Variants in OTOF observed in about 807,000 individuals in gnomAD.
OTOF encodes fer-1-like family member 2.
Under a neutral mutation model 236.8 loss-of-function variants are expected in OTOF, and 218 were observed. That is an observed-to-expected ratio of 0.92 (90% CI 0.82 to 1.03). The LOEUF (loss-of-function observed/expected upper bound fraction) is 1.03, where lower values mean the gene tolerates loss of function less well. Among genes scored for constraint, OTOF ranks in the 50% least tolerant of loss-of-function variants. The pLI, the probability that OTOF is intolerant of heterozygous loss-of-function variation, is 0.00. For synonymous variants in OTOF, 1,041 were observed against 1,072.5 expected (o/e 0.97, Z 0.57); for missense variants, 2,590 against 2,694.4 (o/e 0.96, Z 0.86).
chr2:26,463,304 C>G (rs1193105927), intron 41 of OTOF, among the ~76,000 whole-genome samples, 179 bp downstream of exon 41: 2 of 152,228 alleles, frequency 1.3e-5, no homozygotes, highest in Non-Finnish European at 1.5e-5. Context: ...AGGCCCTAAA[C>G]TCTATCGATT....
chr2:26,484,488 T>G lies in OTOF; in HGVS notation c.1191A>C (p.Glu397Asp), dbSNP rs1335768488. Residue 397 changes from glutamate (E) to aspartate (D), a missense_variant, in exon 12 of 47, where the codon GAA (glutamate) becomes GAC (aspartate). Coordinates refer to ENST00000272371, the MANE Select transcript of OTOF (RefSeq NM_194248.3). ...KTPHKANETD[E>D]DDIEGNLLLP... is the part of the protein sequence containing the mutation. Reference sequence around the variant, plus strand: ...CTGGGCCTCACCCCTCAATGTCATCTTCGTCGGTCTCATTGGCCTTGTGGG... The same window carrying G: ...CTGGGCCTCACCCCTCAATGTCATCGTCGTCGGTCTCATTGGCCTTGTGGG... 1 of 1,613,938 alleles carries G rather than the reference T, an allele frequency of 6.2e-7. No individual in the cohort carries two copies. The highest frequency in any genetic ancestry group is 8.5e-7 in the Non-Finnish European group (1 of 1,180,030).
intron 1 of OTOF, among the ~76,000 whole-genome samples, chr2:26,557,942 G>T (rs778644773): frequency 2.6e-5 from 4 of 151,912 alleles, no homozygotes; most frequent in Non-Finnish European, 2.9e-5. Flanking sequence ...GGAGTGAAAA[G>T]GATGAGAAAA....
At chr2:26,516,397 C>T in intron 5 of OTOF, 21 bp downstream of exon 5, 1 of 1,609,734 alleles carries the variant, frequency 6.2e-7, no homozygotes, top group Non-Finnish European at 8.5e-7. Context: ...AGTGGGCAGC[C>T]AGAGGGGTCC....
chr2:26,524,145 A>G (rs1201345283), intron 3 of OTOF, among the ~76,000 whole-genome samples: 1 of 152,226 alleles, frequency 6.6e-6, no homozygotes, highest in Non-Finnish European at 1.5e-5. Context: ...GGGGGCAGGG[A>G]GGGAAGAAGA....
chr2:26,527,144 T>G (rs1572478973), intron 3 of OTOF, among the ~76,000 whole-genome samples: 1 of 152,160 alleles, frequency 6.6e-6, no homozygotes, highest in Admixed American at 6.5e-5. Context: ...ACTTGTGGAG[T>G]GCAAGCTCCA....
chr2:26,498,445 A>C (rs1454930555), intron 8 of OTOF, among the ~76,000 whole-genome samples: 2 of 152,178 alleles, frequency 1.3e-5, no homozygotes, highest in African/African-American at 4.8e-5. Flanking sequence ...TAGGAAGGGG[A>C]AATGATGCAC....
rs2148051588 is a variant in OTOF at position 26,477,341 on chromosome 2, A to G, written c.2407-53T>C. ...CAGCAACTGGGGGACAGCTCGGGCC[A>G]TGACAAAGGGGGTTGTGACACCTTC... On this transcript the variant is annotated intron_variant, in intron 20 of 46. Transcript: ENST00000272371. The surrounding 1 kb of genome is among the most constrained non-coding windows in gnomAD (Gnocchi z 4.7). The G allele has an allele frequency of 2.5e-6, 4 of 1,592,880 alleles. No individual in the cohort carries two copies. Among genetic ancestry groups the G allele is most frequent in the Non-Finnish European group, 3.4e-6 (4 of 1,167,160 alleles).
intron 2 of OTOF, among the ~76,000 whole-genome samples, chr2:26,536,554 T>A (rs1348682340): frequency 6.6e-6 from 1 of 151,950 alleles, no homozygotes; most frequent in Non-Finnish European, 1.5e-5. Context: ...CAGCTCTGGG[T>A]CGATGGACAC....
At chr2:26,532,732 G>A (rs947156930) in intron 2 of OTOF, among the ~76,000 whole-genome samples, 5 of 152,154 alleles carry the variant, frequency 3.3e-5, no homozygotes, top group African/African-American at 1.2e-4. Context: ...TCCTGGTCTA[G>A]GCTTAGCCCT....
intron 8 of OTOF, 48 bp from the exon 9 acceptor site, chr2:26,495,121 G>A: frequency 6.2e-7 from 1 of 1,611,610 alleles, no homozygotes; most frequent in Non-Finnish European, 8.5e-7. Flanking sequence ...CCTGAGCCTA[G>A]GAGCCTGGTC....
intron 3 of OTOF, among the ~76,000 whole-genome samples, chr2:26,521,545 A>C (rs993805856): frequency 2.6e-5 from 4 of 152,138 alleles, no homozygotes; most frequent in African/African-American, 9.7e-5. Flanking sequence ...CCTCCCTGAC[A>C]TGTGCTTTTA....
chr2:26,531,448 G>A (rs958541037), intron 2 of OTOF, among the ~76,000 whole-genome samples: 7 of 152,156 alleles, frequency 4.6e-5, no homozygotes, highest in Non-Finnish European at 1.0e-4. Context: ...GGATCTCACA[G>A]GTGACAGCAG....
At chr2:26,518,441 C>T (rs539653069) in intron 4 of OTOF, among the ~76,000 whole-genome samples, 11 of 152,352 alleles carry the variant, frequency 7.2e-5, no homozygotes, top group Non-Finnish European at 1.2e-4. Context: ...TGAGTGGCCA[C>T]GGCTGAGCTC....
At chr2:26,484,960 C>G (rs1320476815) in intron 11 of OTOF, among the ~76,000 whole-genome samples, 1 of 152,210 alleles carries the variant, frequency 6.6e-6, no homozygotes, top group Admixed American at 6.5e-5. Flanking sequence ...CTTCACATAG[C>G]TGTGAAGGAC....
intron 3 of OTOF, among the ~76,000 whole-genome samples, chr2:26,521,230 G>A (rs1666668888): frequency 6.6e-6 from 1 of 152,192 alleles, no homozygotes; most frequent in Admixed American, 6.5e-5. Flanking sequence ...CTTTGTGGAT[G>A]GCTATTCAGC....
At chr2:26,510,923 G>C (rs1480397105) in intron 5 of OTOF, among the ~76,000 whole-genome samples, 1 of 152,234 alleles carries the variant, frequency 6.6e-6, no homozygotes, top group Non-Finnish European at 1.5e-5. Context: ...CTGCAGAAAA[G>C]GGGTCCCATG....
chr2:26,466,666 T>G, intron 36 of OTOF, 48 bp downstream of exon 36: 1 of 1,607,830 alleles, frequency 6.2e-7, no homozygotes, highest in Non-Finnish European at 8.5e-7. Flanking sequence ...CTCTCCCAGA[T>G]GGGAGGATGA....
chr2:26,480,621 C>T (rs899582496), intron 15 of OTOF, among the ~76,000 whole-genome samples, 165 bp downstream of exon 15: 5 of 152,198 alleles, frequency 3.3e-5, no homozygotes, highest in East Asian at 1.9e-4. Context: ...AGTCCTGTTG[C>T]GGGGCTGAGT....
chr2:26,549,229 A>G (rs781086394), intron 1 of OTOF, among the ~76,000 whole-genome samples: 3 of 152,198 alleles, frequency 2.0e-5, no homozygotes, highest in Non-Finnish European at 4.4e-5. Flanking sequence ...GAATTCCACT[A>G]TGGTCAGAGA....
Sources: gnomAD v4.1 joint callset for allele counts (sites outside exome capture counted in the v4.1 genomes callset) on GRCh38, gnomAD v4.1.1 for gene constraint, Gnocchi (gnomAD v3.1) non-coding constraint, MANE v1.5 for transcripts, NCBI Gene and HGNC (gene_info 2026-07-23, HGNC 2026-07-21) for gene names.